ZNF618: variants seen among roughly 807,000 people sequenced by gnomAD.
The protein encoded by ZNF618 is zinc finger protein 618, also known as neural precursor cell expressed, developmentally down-regulated 10.
A neutral mutation model predicts 103.0 loss-of-function variants in ZNF618; 34 were observed. The observed-to-expected ratio is 0.33, with a 90% CI of 0.25 to 0.44. The LOEUF is 0.44. Ranked by LOEUF, ZNF618 falls within the 20% of genes least tolerant of loss-of-function variation. ZNF618 has a pLI of 1.00. For missense variants in ZNF618, 1,059 were observed against 1,295.4 expected (o/e 0.82, Z 2.80); for synonymous variants, 551 against 542.2 (o/e 1.02, Z -0.23).
intron 1 of ZNF618, among the ~76,000 whole-genome samples, chr9:113,947,815 T>C (rs1312157481): frequency 6.6e-6 from 1 of 152,218 alleles, no homozygotes; most frequent in Non-Finnish European, 1.5e-5. Context: ...TCTATTGTTG[T>C]GTTTTATTGG....
At chr9:114,035,244 T>TG (rs1487664069) in intron 12 of ZNF618, 6 of 985,832 alleles carry the variant, frequency 6.1e-6, no homozygotes, top group Non-Finnish European at 4.8e-6. Context: ...GAGTAAGTGA[T>TG]GGTCCCGTTG....
chr9:113,968,087 T>G (rs1837589405), intron 1 of ZNF618, among the ~76,000 whole-genome samples: 1 of 152,156 alleles, frequency 6.6e-6, no homozygotes, highest in Non-Finnish European at 1.5e-5. Context: ...TCAAAAAAAC[T>G]CAAAAAGTTT....
At chr9:113,984,689 G>A (rs1464808961) in intron 2 of ZNF618, among the ~76,000 whole-genome samples, 1 of 152,218 alleles carries the variant, frequency 6.6e-6, no homozygotes. Context: ...GGAGTTCTGG[G>A]CCGGGGGCCC....
chr9:114,052,778 T>C lies in ZNF618; in HGVS notation c.*2611T>C, dbSNP rs1227719436. On this transcript the variant is annotated 3_prime_UTR_variant, in exon 15 of 15. Coordinates refer to ENST00000374126, the MANE Select transcript of ZNF618 (RefSeq NM_001318042.2). ...ATTATTGGGCCAGTTGATTAGAAAA[T>C]AGGCATTTCACTTTCTTGGAAAGCC... 6.6e-6 allele frequency: 1 copy of C among 152,198 alleles called. No homozygotes were observed. Among genetic ancestry groups the C allele is most frequent in the African/African-American group, 2.4e-5 (1 of 41,460 alleles). 9.4% of individuals were successfully genotyped at this position (152,198 alleles called of 1,614,324 possible).
intron 1 of ZNF618, among the ~76,000 whole-genome samples, chr9:113,920,832 A>G (rs750625740): frequency 5.9e-5 from 9 of 152,260 alleles, no homozygotes; most frequent in Non-Finnish European, 1.3e-4. Flanking sequence ...TTGTGATAGT[A>G]TCAATAGGAT....
At chr9:113,984,383 G>C (rs1184271018) in intron 2 of ZNF618, among the ~76,000 whole-genome samples, 4 of 152,220 alleles carry the variant, frequency 2.6e-5, no homozygotes, top group Non-Finnish European at 5.9e-5. Context: ...AATGCACTCT[G>C]TGCCCACCCC....
chr9:113,879,845 T>A (rs1828347561), intron 1 of ZNF618, among the ~76,000 whole-genome samples: 1 of 152,096 alleles, frequency 6.6e-6, no homozygotes, highest in South Asian at 2.1e-4. Flanking sequence ...CTTTATAGTT[T>A]GACTTTGGAG....
At chr9:113,979,234 C>T (rs966541424) in intron 2 of ZNF618, among the ~76,000 whole-genome samples, 2 of 152,168 alleles carry the variant, frequency 1.3e-5, no homozygotes, top group Admixed American at 1.3e-4. Context: ...ATGAAGGCTC[C>T]TGAACTGTTA....
At chr9:114,008,615 T>C (rs1841972334) in intron 9 of ZNF618, 61 bp downstream of exon 9, 1 of 1,589,782 alleles carries the variant, frequency 6.3e-7, no homozygotes, top group South Asian at 1.1e-5. Flanking sequence ...GAGGCAGGGC[T>C]CAGTCTCACT....
intron 9 of ZNF618, 62 bp from the exon 10 acceptor site, chr9:114,016,633 G>C: frequency 7.3e-7 from 1 of 1,362,302 alleles, no homozygotes. Context: ...GTGGGAGCAC[G>C]CTGATGCTTC....
chr9:113,952,417 C>T (rs1488507384), intron 1 of ZNF618, among the ~76,000 whole-genome samples: 2 of 152,184 alleles, frequency 1.3e-5, no homozygotes, highest in African/African-American at 4.8e-5. Flanking sequence ...TCTGTCCACC[C>T]CCTGATGACA....
chr9:113,912,763 G>C (rs1369412809), intron 1 of ZNF618, among the ~76,000 whole-genome samples: 1 of 152,090 alleles, frequency 6.6e-6, no homozygotes, highest in Non-Finnish European at 1.5e-5. Flanking sequence ...CCTGTCTGGT[G>C]CTGCCACTGA....
At chr9:114,039,387 C>T (rs1409010296) in intron 13 of ZNF618, among the ~76,000 whole-genome samples, 1 of 148,958 alleles carries the variant, frequency 6.7e-6, no homozygotes, top group Non-Finnish European at 1.5e-5. Flanking sequence ...CGATCTGTCG[C>T]CCAGGCTGGA....
chr9:114,020,059 A>G (rs1361548104), intron 10 of ZNF618, among the ~76,000 whole-genome samples: 1 of 152,184 alleles, frequency 6.6e-6, no homozygotes, highest in Non-Finnish European at 1.5e-5. Flanking sequence ...TTTATTCCAT[A>G]CAGATACCTG....
rs28528360 is a variant in ZNF618 at position 114,007,956 on chromosome 9, C to A, written c.641-388C>A. On this transcript the variant is annotated intron_variant, in intron 7 of 14. Coordinates refer to ENST00000374126, the MANE Select transcript of ZNF618 (RefSeq NM_001318042.2). ...CTTGAGCTGTGACAACCAGGCCCAC[C>A]ACCTGTTACCACTGGCCCATCTCTT... Among the ~76,000 whole-genome samples, 1,192 of 152,304 alleles carry A rather than the reference C, an allele frequency of 7.8e-3. 14 individuals carry two copies. The highest frequency in any genetic ancestry group is 0.027 in the African/African-American group (1,142 of 41,556).
intron 1 of ZNF618, among the ~76,000 whole-genome samples, chr9:113,929,127 T>C (rs150933126): frequency 1.3e-5 from 2 of 152,312 alleles, no homozygotes; most frequent in East Asian, 3.9e-4. Flanking sequence ...TATTGTCTAA[T>C]CTCCACCATG....
At chr9:114,009,223 G>A (rs973608802) in intron 9 of ZNF618, among the ~76,000 whole-genome samples, 1 of 152,196 alleles carries the variant, frequency 6.6e-6, no homozygotes, top group Non-Finnish European at 1.5e-5. Flanking sequence ...TTCCAACATA[G>A]CTTGCAGGGA....
At chr9:113,943,531 C>T (rs191453060) in intron 1 of ZNF618, among the ~76,000 whole-genome samples, 2 of 151,948 alleles carry the variant, frequency 1.3e-5, no homozygotes, top group Admixed American at 1.3e-4. Context: ...GCAGTTGCCA[C>T]TCAGCTACAA....
rs1263344921 is a variant in ZNF618, at chr9:114,032,630, C to T, written c.1085-15C>T. 2 of 1,613,424 alleles carry T rather than the reference C, an allele frequency of 1.2e-6. No individual in the cohort carries two copies. Among genetic ancestry groups the T allele is most frequent in the Non-Finnish European group, 1.7e-6 (2 of 1,179,320 alleles). On this transcript the variant is annotated splice_polypyrimidine_tract_variant and intron_variant, in intron 11 of 14. Coordinates refer to ENST00000374126, the MANE Select transcript of ZNF618 (RefSeq NM_001318042.2). ...ATCACCATTGTTTTCTTTCTCTCTC[C>T]TGTCCCCCACCCAGCAGAAAGCGCT...
Sources: gnomAD v4.1 joint callset for allele counts (sites outside exome capture counted in the v4.1 genomes callset) on GRCh38, gnomAD v4.1.1 for gene constraint, MANE v1.5 for transcripts, NCBI Gene and HGNC (gene_info 2026-07-23, HGNC 2026-07-21) for gene names.